TSC22D1: variants seen among roughly 807,000 people sequenced by gnomAD.
TSC22D1 encodes the protein TSC22 domain family protein 1.
TSC22D1 carries 9 observed loss-of-function variants against 74.2 expected under a neutral mutation model. The ratio of observed to expected loss-of-function variants is 0.12; its 90% confidence interval spans 0.07 to 0.21. The LOEUF is 0.21. Ranked by LOEUF, TSC22D1 falls within the 10% of genes least tolerant of loss-of-function variation. The probability of loss-of-function intolerance (pLI) is 1.00; values close to 1 mark genes in which losing one functional copy is unlikely to be tolerated. For synonymous variants in TSC22D1, 586 were observed against 492.5 expected (o/e 1.19, Z -2.51); for missense variants, 1,427 against 1,304.7 (o/e 1.09, Z -1.44).
At chr13:44,506,397 C>T (rs1415868365) in intron 1 of TSC22D1, among the ~76,000 whole-genome samples, 2 of 152,132 alleles carry the variant, frequency 1.3e-5, no homozygotes, top group Non-Finnish European at 2.9e-5. Context: ...AAACCAAATG[C>T]CGCATGTTCT....
chr13:44,491,388 T>A (rs571331795), intron 1 of TSC22D1, among the ~76,000 whole-genome samples: 2 of 151,654 alleles, frequency 1.3e-5, no homozygotes, highest in South Asian at 4.2e-4. Flanking sequence ...CCTGTCTCTA[T>A]TAAAAATACA....
intron 1 of TSC22D1, among the ~76,000 whole-genome samples, chr13:44,511,152 G>A (rs1442939527): frequency 1.3e-5 from 2 of 151,966 alleles, no homozygotes; most frequent in East Asian, 1.9e-4. Context: ...GCATGGTGGT[G>A]CGCACCTGTA....
intron 1 of TSC22D1, among the ~76,000 whole-genome samples, chr13:44,529,309 C>T: frequency 6.6e-6 from 1 of 151,904 alleles, no homozygotes. Flanking sequence ...CATCAATAGG[C>T]TAAAGAAAAA....
intron 1 of TSC22D1, among the ~76,000 whole-genome samples, chr13:44,492,245 C>G (rs1399856796): frequency 6.6e-6 from 1 of 152,124 alleles, no homozygotes; most frequent in African/African-American, 2.4e-5. Context: ...TAAATGTGCT[C>G]AGAACATTTA....
intron 1 of TSC22D1, among the ~76,000 whole-genome samples, chr13:44,571,711 A>C (rs1043753157): frequency 1.3e-5 from 2 of 152,198 alleles, no homozygotes; most frequent in African/African-American, 2.4e-5. Context: ...TTTAACAATA[A>C]TAATGGAACA....
At chr13:44,501,340 G>T (rs1879211851) in intron 1 of TSC22D1, among the ~76,000 whole-genome samples, 1 of 152,160 alleles carries the variant, frequency 6.6e-6, no homozygotes, top group Admixed American at 6.5e-5. Context: ...AAAGGCTTAG[G>T]GTTATCAAAC....
chr13:44,445,823 T>C (rs1451391442), intron 1 of TSC22D1, among the ~76,000 whole-genome samples: 1 of 152,190 alleles, frequency 6.6e-6, no homozygotes, highest in Non-Finnish European at 1.5e-5. Flanking sequence ...CATAATGATA[T>C]ACCACTACAC....
In TSC22D1 at chr13:44,444,121, A is replaced by ATACAAAT. The variant is rs371013806; in HGVS notation, c.2913-8027_2913-8026insATTTGTA. On this transcript the variant is annotated intron_variant, in intron 1 of 2. Coordinates refer to ENST00000458659, the MANE Select transcript of TSC22D1 (RefSeq NM_183422.4). The stretch of plus-strand genomic sequence containing the variant: ...TGGTAAAAACCCATCTCTACTAAAA[A>ATACAAAT]TACAAAAATTAGCTGTGCATAGTGG... Among the ~76,000 whole-genome samples the ATACAAAT allele has an allele frequency of 4.6e-3, 695 of 151,896 alleles. 3 individuals carry two copies. The highest frequency in any genetic ancestry group is 0.016 in the African/African-American group (660 of 41,412).
intron 1 of TSC22D1, among the ~76,000 whole-genome samples, chr13:44,492,951 CCT>C (rs1878794564): frequency 6.6e-6 from 1 of 151,826 alleles, no homozygotes; most frequent in Non-Finnish European, 1.5e-5. Flanking sequence ...AACTCAAATC[CCT>C]CTCTCTCTAG....
chr13:44,553,256 G>A (rs1452337760), intron 1 of TSC22D1, among the ~76,000 whole-genome samples: 1 of 152,042 alleles, frequency 6.6e-6, no homozygotes. Flanking sequence ...TCTTCAAAAT[G>A]TATCGGTCTT....
intron 1 of TSC22D1, among the ~76,000 whole-genome samples, chr13:44,561,125 C>T (rs954225875): frequency 4.6e-5 from 7 of 152,090 alleles, no homozygotes; most frequent in Non-Finnish European, 8.8e-5. Context: ...TTTTTGGGCT[C>T]CTTACATTCC....
At chr13:44,472,568 T>C (rs1413001083) in intron 1 of TSC22D1, among the ~76,000 whole-genome samples, 2 of 152,010 alleles carry the variant, frequency 1.3e-5, no homozygotes, top group Admixed American at 6.5e-5. Context: ...GTAACCCCAA[T>C]ATTGTGGGAG....
At chr13:44,536,532 G>T (rs961686305) in intron 1 of TSC22D1, among the ~76,000 whole-genome samples, 1 of 151,790 alleles carries the variant, frequency 6.6e-6, no homozygotes, top group African/African-American at 2.4e-5. Flanking sequence ...AATTATTTGC[G>T]CAAGTAGAAC....
chr13:44,535,277 C>T (rs966484730), intron 1 of TSC22D1, among the ~76,000 whole-genome samples: 2 of 152,016 alleles, frequency 1.3e-5, no homozygotes, highest in Non-Finnish European at 2.9e-5. Flanking sequence ...CTGAAAACTC[C>T]GATGAATACT....
chr13:44,563,514 G>A (rs1312608774), intron 1 of TSC22D1, among the ~76,000 whole-genome samples: 1 of 151,978 alleles, frequency 6.6e-6, no homozygotes, highest in South Asian at 2.1e-4. Flanking sequence ...AAGTGTTGAG[G>A]GCCAATCATT....
In TSC22D1 at chr13:44,539,749, A is replaced by G. The variant is rs984568755; in HGVS notation, c.2912+33414T>C. ...CCAATCTATAAATTAACCCAAGTAA[A>G]TAATGGAAAGCACCCACTTGTTTAT... On this transcript the variant is annotated intron_variant, in intron 1 of 2. Coordinates refer to ENST00000458659, the MANE Select transcript of TSC22D1 (RefSeq NM_183422.4). 4.8e-6 allele frequency: 6 copies of G among 1,260,390 alleles called. No homozygotes were observed. In the Admixed American group the frequency reaches 1.3e-4, roughly 27 times the overall value. The allele number at this position is 1,260,390 out of a possible 1,614,324, so 78.1% of individuals were successfully genotyped here.
chr13:44,438,885 C>T (rs1215093656), intron 1 of TSC22D1, among the ~76,000 whole-genome samples: 1 of 152,050 alleles, frequency 6.6e-6, no homozygotes, highest in Non-Finnish European at 1.5e-5. Flanking sequence ...ATTCCATTTA[C>T]ATGTTTTAAC....
chr13:44,485,538 G>T (rs1305159400), intron 1 of TSC22D1, among the ~76,000 whole-genome samples: 1 of 152,036 alleles, frequency 6.6e-6, no homozygotes, highest in Non-Finnish European at 1.5e-5. Context: ...TGTCCTACTA[G>T]TTCAGAGAGA....
In TSC22D1 at chr13:44,510,746, C is replaced by T. The variant is rs183528914; in HGVS notation, c.2912+62417G>A. Among the ~76,000 whole-genome samples the T allele has an allele frequency of 2.3e-3, 348 of 152,156 alleles. 1 individual carries two copies. The highest frequency in any genetic ancestry group is 3.8e-3 in the Non-Finnish European group (258 of 68,008). On this transcript the variant is annotated intron_variant, in intron 1 of 2. Coordinates refer to ENST00000458659, the MANE Select transcript of TSC22D1 (RefSeq NM_183422.4). Reference sequence around the variant, plus strand: ...TAGCTGGAACTACAGGAATGCACCACCACACCCAGCTAATTTTTGTATATT... The same window carrying T: ...TAGCTGGAACTACAGGAATGCACCATCACACCCAGCTAATTTTTGTATATT...
Sources: gnomAD v4.1 joint callset for allele counts (sites outside exome capture counted in the v4.1 genomes callset) on GRCh38, gnomAD v4.1.1 for gene constraint, MANE v1.5 for transcripts, NCBI Gene and HGNC (gene_info 2026-07-23, HGNC 2026-07-21) for gene names.